Variants in GNB4 observed in about 807,000 individuals in gnomAD.
GNB4 encodes the protein guanine nucleotide-binding protein subunit beta-4.
In GNB4, 28 loss-of-function variants were observed where a neutral mutation model predicts 45.2. The ratio of observed to expected loss-of-function variants is 0.62; its 90% CI spans 0.46 to 0.85. The LOEUF is 0.85. Ranked by LOEUF, GNB4 falls within the 40% of genes least tolerant of loss-of-function variation. The pLI is 0.00. For synonymous variants in GNB4, 132 were observed against 143.7 expected, an observed-to-expected ratio of 0.92 and a Z score of 0.58; for missense variants, 321 against 425.4, an observed-to-expected ratio of 0.75 and a Z score of 2.16.
intron 1 of GNB4, among the ~76,000 whole-genome samples, chr3:179,437,295 G>A (rs913645199): frequency 4.6e-5 from 7 of 152,078 alleles, no homozygotes; most frequent in African/African-American, 1.7e-4. Context: ...GAAAAAAAGA[G>A]ACTAAGAACC....
At chr3:179,421,980 T>C (rs927198734) in intron 2 of GNB4, among the ~76,000 whole-genome samples, 4 of 152,182 alleles carry the variant, frequency 2.6e-5, no homozygotes, top group African/African-American at 7.2e-5. Context: ...AAAAGGTTCT[T>C]TGACTTCAAG....
chr3:179,518,933 G>A, the GNB4 span, among the ~76,000 whole-genome samples: 31 of 152,158 alleles, frequency 2.0e-4, no homozygotes, highest in South Asian at 8.3e-4. Context: ...CTCAAACCCT[G>A]CAACAGGACT....
intron 1 of GNB4, among the ~76,000 whole-genome samples, chr3:179,437,497 G>A (rs539957365): frequency 3.6e-4 from 54 of 151,952 alleles, no homozygotes; most frequent in South Asian, 1.2e-3. Flanking sequence ...CATGGGAGGC[G>A]TAGGTTGCAG....
intron 1 of GNB4, among the ~76,000 whole-genome samples, chr3:179,428,963 G>A (rs1303098689): frequency 6.6e-6 from 1 of 152,204 alleles, no homozygotes; most frequent in Non-Finnish European, 1.5e-5. Context: ...TAAGGATGGA[G>A]GTACCATGAA....
At chr3:179,481,151 G>A in the GNB4 span, among the ~76,000 whole-genome samples, 1 of 151,460 alleles carries the variant, frequency 6.6e-6, no homozygotes, top group Non-Finnish European at 1.5e-5. Context: ...GCGCCCGGCC[G>A]CAAACTGATT....
the GNB4 span, among the ~76,000 whole-genome samples, chr3:179,522,581 A>C: frequency 1.3e-5 from 2 of 152,214 alleles, no homozygotes; most frequent in Non-Finnish European, 2.9e-5. Flanking sequence ...GCTGAGAGAT[A>C]GTGGAGCGGG....
At chr3:179,512,396 C>G in the GNB4 span, among the ~76,000 whole-genome samples, 1 of 152,166 alleles carries the variant, frequency 6.6e-6, no homozygotes, top group Non-Finnish European at 1.5e-5. Context: ...ATATATTCTT[C>G]AAGAATGCTT....
At chr3:179,480,376 G>C in the GNB4 span, among the ~76,000 whole-genome samples, 1 of 152,170 alleles carries the variant, frequency 6.6e-6, no homozygotes, top group African/African-American at 2.4e-5. Flanking sequence ...CAGATATTCT[G>C]ACCCCTGTAA....
the GNB4 span, among the ~76,000 whole-genome samples, chr3:179,456,514 G>A: frequency 6.6e-6 from 1 of 152,018 alleles, no homozygotes; most frequent in Non-Finnish European, 1.5e-5. Flanking sequence ...TTCAAACAAT[G>A]GAAAACATCT....
intron 1 of GNB4, among the ~76,000 whole-genome samples, chr3:179,449,308 G>C (rs1715812010): frequency 6.6e-6 from 1 of 152,172 alleles, no homozygotes; most frequent in Non-Finnish European, 1.5e-5. Context: ...TTTTGAACTT[G>C]GAACAAGACA....
the GNB4 span, among the ~76,000 whole-genome samples, chr3:179,520,230 C>T: frequency 2.1e-5 from 3 of 146,024 alleles, no homozygotes; most frequent in East Asian, 4.3e-4. Flanking sequence ...CAAGGCTTCA[C>T]AGACAGCCCG....
chr3:179,465,585 A>C, the GNB4 span, among the ~76,000 whole-genome samples: 1 of 152,056 alleles, frequency 6.6e-6, no homozygotes, highest in African/African-American at 2.4e-5. Context: ...TAAGAGTTTG[A>C]GTTAATATTG....
the GNB4 span, among the ~76,000 whole-genome samples, chr3:179,490,123 C>A: frequency 6.6e-6 from 1 of 152,126 alleles, no homozygotes; most frequent in African/African-American, 2.4e-5. Flanking sequence ...AGACAGAATG[C>A]GTGGAACAGC....
chr3:179,453,322 G>A (rs940768368), upstream of GNB4, among the ~76,000 whole-genome samples: 2 of 152,070 alleles, frequency 1.3e-5, no homozygotes, highest in African/African-American at 2.4e-5. Flanking sequence ...GGGTTTCACC[G>A]TGTTGACCAG....
At chr3:179,416,235 G>T (rs1714794841) in intron 5 of GNB4, among the ~76,000 whole-genome samples, 1 of 152,068 alleles carries the variant, frequency 6.6e-6, no homozygotes, top group Non-Finnish European at 1.5e-5. Flanking sequence ...TCATTTATTA[G>T]TATATGTAAA....
At chr3:179,478,501 G>T in the GNB4 span, among the ~76,000 whole-genome samples, 2 of 151,914 alleles carry the variant, frequency 1.3e-5, no homozygotes, top group Admixed American at 6.6e-5. Context: ...CTAAGGTTTT[G>T]CTGTTGTTGT....
At chr3:179,465,801 TCTTC>T in the GNB4 span, among the ~76,000 whole-genome samples, 27 of 27,928 alleles carry the variant, frequency 9.7e-4, no homozygotes, top group African/African-American at 2.8e-3. Context: ...ATTTTTTTCT[TCTTC>T]TTCTTCTTCT....
chr3:179,464,855 T>G, the GNB4 span: 4 of 1,360,236 alleles, frequency 2.9e-6, no homozygotes, highest in Non-Finnish European at 4.2e-6. Flanking sequence ...GGACCAGTAT[T>G]CCATGTTACC....
chr3:179,477,419 A>G, the GNB4 span, among the ~76,000 whole-genome samples: 1 of 152,236 alleles, frequency 6.6e-6, no homozygotes, highest in African/African-American at 2.4e-5. Context: ...TTTTCCATAA[A>G]GCCCTCAGGT....
Sources: gnomAD v4.1 joint callset for allele counts (sites outside exome capture counted in the v4.1 genomes callset) on GRCh38, gnomAD v4.1.1 for gene constraint, MANE v1.5 for transcripts, NCBI Gene and HGNC (gene_info 2026-07-23, HGNC 2026-07-21) for gene names.